Variants in KIF26B observed in about 807,000 individuals in gnomAD.
KIF26B encodes the protein kinesin family member 26B.
Under a neutral mutation model 151.2 loss-of-function variants are expected in KIF26B, and 63 were observed. The observed-to-expected ratio is 0.42, with a 90% confidence interval of 0.34 to 0.51. The LOEUF (loss-of-function observed/expected upper bound fraction) is 0.51. Among genes scored for constraint, KIF26B ranks in the 20% least tolerant of loss-of-function variants. The pLI is 0.07. For missense variants in KIF26B, 2,813 were observed against 2,913.6 expected, an observed-to-expected ratio of 0.97 and a Z score of 0.79; for synonymous variants, 1,357 against 1,262.1, an observed-to-expected ratio of 1.08 and a Z score of -1.59.
intron 2 of KIF26B, among the ~76,000 whole-genome samples, chr1:245,226,532 G>A (rs1406836412): frequency 1.3e-5 from 2 of 151,478 alleles, no homozygotes; most frequent in Non-Finnish European, 2.9e-5. Flanking sequence ...GCGCGATCTC[G>A]GCTCCCTGCA....
At chr1:245,490,606 T>C (rs1037691074) in intron 4 of KIF26B, among the ~76,000 whole-genome samples, 17 of 152,120 alleles carry the variant, frequency 1.1e-4, no homozygotes, top group African/African-American at 3.9e-4. Context: ...CCACCGCACC[T>C]GGCCTGTAGA....
At chr1:245,510,918 G>C (rs1660820527) in intron 4 of KIF26B, 1 of 603,794 alleles carries the variant, frequency 1.7e-6, no homozygotes, top group Admixed American at 2.9e-5. Flanking sequence ...GTTTCACCAG[G>C]GTCTGCTCTG....
intron 2 of KIF26B, among the ~76,000 whole-genome samples, chr1:245,261,467 TTCTCTCTCTCTCTCTCTC>T (rs376897211): frequency 1.6e-4 from 18 of 112,240 alleles, no homozygotes; most frequent in Non-Finnish European, 2.8e-4. Context: ...TTTTCTTTCT[TTCTCTCTCTCTCTCTCTC>T]TCTCTCTCTC....
chr1:245,207,746 C>T (rs1324319417), intron 2 of KIF26B, among the ~76,000 whole-genome samples: 2 of 152,142 alleles, frequency 1.3e-5, no homozygotes, highest in Non-Finnish European at 2.9e-5. Flanking sequence ...CCACTTTCCA[C>T]CACCCACTTC....
rs756648802 is a variant in KIF26B at position 245,190,306 on chromosome 1, G to T, written c.465+33623G>T. Among the ~76,000 whole-genome samples the T allele has an allele frequency of 1.3e-3, 200 of 152,284 alleles. 3 individuals are homozygous for T. The highest frequency in any genetic ancestry group is 3.4e-3 in the Middle Eastern group (1 of 294). ...CCACAGCCGGGTGCTCAGATTGCTG[G>T]GACTCTCTTGTCAGGACTTCTTCCT... On this transcript the variant is annotated intron_variant, in intron 2 of 14. Transcript: ENST00000407071.
intron 9 of KIF26B, among the ~76,000 whole-genome samples, chr1:245,613,275 C>T (rs1278543789): frequency 2.0e-5 from 3 of 152,092 alleles, no homozygotes; most frequent in African/African-American, 7.2e-5. Context: ...AGAGATGGTC[C>T]GCAAAGCTGT....
intron 5 of KIF26B, among the ~76,000 whole-genome samples, chr1:245,562,389 G>A (rs561401362): frequency 1.5e-4 from 23 of 151,962 alleles, no homozygotes; most frequent in Non-Finnish European, 2.1e-4. Flanking sequence ...GGGTCTTCAG[G>A]GAGAAATTTA....
At chr1:245,165,137 G>C (rs547972608) in intron 2 of KIF26B, among the ~76,000 whole-genome samples, 2 of 152,056 alleles carry the variant, frequency 1.3e-5, no homozygotes, top group Non-Finnish European at 2.9e-5. Flanking sequence ...GTGTCACCGA[G>C]ACCAGTTGGG....
chr1:245,209,105 A>T (rs1341812393), intron 2 of KIF26B, among the ~76,000 whole-genome samples: 1 of 152,208 alleles, frequency 6.6e-6, no homozygotes, highest in Non-Finnish European at 1.5e-5. Context: ...GGACACTTAG[A>T]AAAACATTAA....
intron 9 of KIF26B, among the ~76,000 whole-genome samples, chr1:245,640,934 A>C (rs566242911): frequency 6.6e-6 from 1 of 152,296 alleles, no homozygotes; most frequent in South Asian, 2.1e-4. Context: ...ATAAAATTTT[A>C]AATGGTTTAG....
At chr1:245,651,907 G>C (rs543903906) in intron 10 of KIF26B, among the ~76,000 whole-genome samples, 7 of 152,110 alleles carry the variant, frequency 4.6e-5, no homozygotes, top group Admixed American at 3.3e-4. Context: ...AAGGTAAAAG[G>C]GTTTGGGACT....
At position 245,166,645 on chromosome 1, in the gene KIF26B, G is replaced by C. The variant is rs980797066; in HGVS notation, c.465+9962G>C. 6.6e-6 allele frequency among the ~76,000 whole-genome samples: 1 copy of C among 152,194 alleles called. No individual in the cohort carries two copies. Among genetic ancestry groups the C allele is most frequent in the South Asian group, 2.1e-4 (1 of 4,830 alleles). The stretch of plus-strand genomic sequence containing the variant: ...GATTTCCTCCAGTGACTGCGCATGC[G>C]ATGTGCAGATCTGAGCCGCACCAGG... On this transcript the variant is annotated intron_variant, in intron 2 of 14. Transcript: ENST00000407071. The surrounding 1 kb of genome is among the most constrained non-coding windows in gnomAD (Gnocchi z 4.5).
intron 4 of KIF26B, among the ~76,000 whole-genome samples, chr1:245,432,588 C>A (rs1206888531): frequency 6.6e-6 from 1 of 152,240 alleles, no homozygotes; most frequent in East Asian, 1.9e-4. Flanking sequence ...TCTTTGCTTT[C>A]TGTCCCCCTG....
chr1:245,235,199 G>T (rs892538694), intron 2 of KIF26B, among the ~76,000 whole-genome samples: 2 of 152,142 alleles, frequency 1.3e-5, no homozygotes, highest in Non-Finnish European at 2.9e-5. Context: ...TTGCTTTAAG[G>T]TTATACTTCA....
intron 4 of KIF26B, among the ~76,000 whole-genome samples, chr1:245,522,797 G>T (rs1467128410): frequency 2.0e-5 from 3 of 152,136 alleles, no homozygotes; most frequent in Non-Finnish European, 4.4e-5. Context: ...ACAGGGTCTG[G>T]GGGAAATCTT....
rs754521873 is a variant in KIF26B, at chr1:245,540,880, C to T, written c.1280C>T (p.Ser427Phe). 7 of 1,613,798 alleles carry T rather than the reference C, an allele frequency of 4.3e-6. No homozygotes were observed. The South Asian group carries it at 7.7e-5, about 18-fold the overall frequency. Reference protein sequence around the residue: ...ATSFSGILQTSPPPAPPCLLR... With the variant: ...ATSFSGILQTFPPPAPPCLLR... ...AGCTTCAGTGGGATTCTGCAGACCT[C>T]CCCTCCCCCAGCCCCACCCTGCCTG... Residue 427 changes from serine to phenylalanine, a missense_variant, in exon 5 of 15, where the codon TCC becomes TTC. Physicochemically the swap from Ser to Phe is radical, Grantham distance 155. Around this residue, in one of 3 missense-constraint regions of KIF26B, gnomAD observed 676 missense variants for 688.1 expected, o/e 0.98. Transcript: ENST00000407071. The surrounding 1 kb of genome is among the most constrained non-coding windows in gnomAD (Gnocchi z 4.6).
At chr1:245,533,024 C>T (rs1661409459) in intron 4 of KIF26B, among the ~76,000 whole-genome samples, 1 of 152,202 alleles carries the variant, frequency 6.6e-6, no homozygotes, top group East Asian at 1.9e-4. Flanking sequence ...TGCCTCAGAA[C>T]GTAGGATCTT....
intron 2 of KIF26B, among the ~76,000 whole-genome samples, chr1:245,333,625 C>T (rs184567016): frequency 5.9e-5 from 9 of 152,312 alleles, no homozygotes; most frequent in South Asian, 2.1e-4. Context: ...TTTACACACA[C>T]GTGTGTGTGC....
intron 2 of KIF26B, among the ~76,000 whole-genome samples, chr1:245,180,434 A>C (rs1025484488): frequency 1.3e-5 from 2 of 152,146 alleles, no homozygotes; most frequent in Non-Finnish European, 2.9e-5. Flanking sequence ...CTCAACTTCC[A>C]CATCTGTAAA....
Sources: allele counts gnomAD v4.1 joint callset (sites outside exome capture counted in the v4.1 genomes callset), GRCh38; gene constraint gnomAD v4.1.1; regional missense constraint gnomAD v4.1.1; non-coding constraint Gnocchi (gnomAD v3.1); transcripts MANE v1.5; gene names NCBI Gene and HGNC (gene_info 2026-07-23, HGNC 2026-07-21).